GRIA1: variants seen among roughly 807,000 people sequenced by gnomAD.
GRIA1 encodes the protein glutamate receptor 1.
GRIA1 carries 31 observed loss-of-function variants against 99.2 expected under a neutral mutation model. The observed-to-expected ratio is 0.31, with a 90% CI of 0.23 to 0.42. The LOEUF (loss-of-function observed/expected upper bound fraction) is 0.42, where lower values mean the gene tolerates loss of function less well. Among genes scored for constraint, GRIA1 ranks in the 10% least tolerant of loss-of-function variants. GRIA1 has a pLI of 1.00. For missense variants in GRIA1, 782 were observed against 1,157.5 expected (o/e 0.68, Z 4.71); for synonymous variants, 438 against 432.4 (o/e 1.01, Z -0.16).
At position 153,721,431 on chromosome 5, in the gene GRIA1, A is replaced by C. The variant is rs529743686; in HGVS notation, c.1823+15364A>C. Among the ~76,000 whole-genome samples, 50 of 152,302 alleles carry C rather than the reference A, an allele frequency of 3.3e-4. 1 individual carries two copies. Among genetic ancestry groups the C allele is most frequent in the South Asian group, 2.3e-3 (11 of 4,824 alleles). ...ATACAGCCCAACTAATTTTCAGAAA[A>C]CTAATTTTCAGTGCCTGTGTAATCA... is the stretch of plus-strand genomic sequence containing the variant. On this transcript the variant is annotated intron_variant, in intron 11 of 15. Coordinates refer to ENST00000285900, the MANE Select transcript of GRIA1 (RefSeq NM_000827.4).
rs770601219 is a variant in GRIA1 at position 153,795,582 on chromosome 5, G to A, written c.2385+847G>A. The A allele has an allele frequency of 3.8e-6, 6 of 1,593,412 alleles. No homozygotes were observed. The South Asian group carries it at 4.4e-5, about 12-fold the overall frequency. ...AGGGGAATGTGGAAGCAAGGACTCC[G>A]GAAGTAAGGTCAGTCACCGGCTACA... On this transcript the variant is annotated intron_variant, in intron 14 of 15. Transcript: ENST00000285900.
intron 4 of GRIA1, among the ~76,000 whole-genome samples, chr5:153,652,903 C>T (rs1754677922): frequency 6.6e-6 from 1 of 152,160 alleles, no homozygotes; most frequent in Admixed American, 6.5e-5. Context: ...GACTATCTCA[C>T]ATTCAGTAAC....
At position 153,531,278 on chromosome 5, in the gene GRIA1, G is replaced by T. The variant is rs1758072728; in HGVS notation, c.220+37213G>T. On this transcript the variant is annotated intron_variant, in intron 2 of 15. Coordinates refer to ENST00000285900, the MANE Select transcript of GRIA1 (RefSeq NM_000827.4). ...AGAGTGCTAGGAGAGGTGGTTGTAG[G>T]GTCAGTCAGGGACAAATGATGCAGG... 2.0e-5 allele frequency among the ~76,000 whole-genome samples: 3 copies of T among 152,236 alleles called. No homozygotes were observed. In the South Asian group the frequency reaches 6.2e-4, roughly 32 times the overall value.
intron 2 of GRIA1, among the ~76,000 whole-genome samples, chr5:153,526,344 G>A (rs936570199): frequency 6.6e-6 from 1 of 152,152 alleles, no homozygotes; most frequent in African/African-American, 2.4e-5. Flanking sequence ...TCAGCAAAAT[G>A]AGGCCAATAT....
At chr5:153,804,279 G>A (rs190839534) in intron 15 of GRIA1, among the ~76,000 whole-genome samples, 67 of 152,244 alleles carry the variant, frequency 4.4e-4, no homozygotes, top group Non-Finnish European at 2.6e-4. Flanking sequence ...GAACTACAAA[G>A]GCATGGGCTT....
chr5:153,490,987 C>T lies in GRIA1; in HGVS notation c.82+17C>T. ...TCCAGATCGGTGAGTGAGGGGGCAG[C>T]CTGGGGAGGGACTTTCTGGGTCTGG... is the stretch of plus-strand genomic sequence containing the variant. On this transcript the variant is annotated intron_variant, in intron 1 of 15. Coordinates refer to ENST00000285900, the MANE Select transcript of GRIA1 (RefSeq NM_000827.4). 1.2e-6 allele frequency: 2 copies of T among 1,609,816 alleles called. No homozygotes were observed. The highest frequency in any genetic ancestry group is 2.2e-5 in the South Asian group (2 of 90,982).
At chr5:153,682,342 T>A (rs1757031722) in intron 7 of GRIA1, among the ~76,000 whole-genome samples, 1 of 152,188 alleles carries the variant, frequency 6.6e-6, no homozygotes, top group Non-Finnish European at 1.5e-5. Flanking sequence ...CAGGATCCAA[T>A]GAGGGCAGGG....
chr5:153,779,726 C>A (rs949060104), intron 13 of GRIA1, among the ~76,000 whole-genome samples: 21 of 152,082 alleles, frequency 1.4e-4, no homozygotes, highest in African/African-American at 4.8e-4. Context: ...CCACACCAAG[C>A]TAATTTTGCA....
At chr5:153,705,015 G>T (rs1010101180) in intron 10 of GRIA1, among the ~76,000 whole-genome samples, 9 of 152,156 alleles carry the variant, frequency 5.9e-5, no homozygotes, top group African/African-American at 2.2e-4. Flanking sequence ...TATCTTGGTT[G>T]CAGGAAAAAG....
intron 11 of GRIA1, among the ~76,000 whole-genome samples, chr5:153,752,229 C>T (rs1052762040): frequency 1.3e-5 from 2 of 152,064 alleles, no homozygotes; most frequent in Non-Finnish European, 2.9e-5. Flanking sequence ...AAATCTTACT[C>T]ACCTCTTCTA....
chr5:153,741,402 G>A (rs980973167), intron 11 of GRIA1, among the ~76,000 whole-genome samples: 8 of 152,052 alleles, frequency 5.3e-5, no homozygotes, highest in African/African-American at 1.9e-4. Context: ...CCACTTCTAG[G>A]GGTACTTATA....
chr5:153,522,465 G>C (rs1757235732), intron 2 of GRIA1, among the ~76,000 whole-genome samples: 1 of 152,182 alleles, frequency 6.6e-6, no homozygotes. Flanking sequence ...GTTTGTATCA[G>C]TCAAGTTAGG....
upstream of GRIA1, among the ~76,000 whole-genome samples, chr5:153,490,081 T>C (rs1753777617): frequency 6.6e-6 from 1 of 152,040 alleles, no homozygotes; most frequent in Non-Finnish European, 1.5e-5. Context: ...AAGCTTTTTT[T>C]TTTTTTTCCT....
intron 2 of GRIA1, among the ~76,000 whole-genome samples, chr5:153,546,910 A>G (rs1389688849): frequency 6.6e-6 from 1 of 152,232 alleles, no homozygotes; most frequent in Non-Finnish European, 1.5e-5. Context: ...TGTAATCTCC[A>G]TGAAAGCAAT....
chr5:153,574,485 T>C (rs1284939851), intron 2 of GRIA1: 5 of 152,138 alleles, frequency 3.3e-5, no homozygotes, highest in Non-Finnish European at 7.4e-5. Context: ...AAAGTCTTTA[T>C]AGCTTGTGTG....
intron 2 of GRIA1, among the ~76,000 whole-genome samples, chr5:153,601,997 A>G (rs1765009853): frequency 6.6e-6 from 1 of 152,210 alleles, no homozygotes; most frequent in African/African-American, 2.4e-5. Flanking sequence ...GTGTCATGTC[A>G]GCATTGCAGT....
In GRIA1 at chr5:153,690,656, T is replaced by A. The variant is rs369179705; in HGVS notation, c.1134+4327T>A. 2.2e-4 allele frequency among the ~76,000 whole-genome samples: 33 copies of A among 152,356 alleles called. No individual in the cohort carries two copies. In the South Asian group the frequency reaches 6.6e-3, roughly 31 times the overall value. ...AGCATTGCATTTGGGGGAGTCAGGC[T>A]GTGTAAGCCTGTGGAATGGATAAAT... is the stretch of plus-strand genomic sequence containing the variant. On this transcript the variant is annotated intron_variant, in intron 8 of 15. Transcript: ENST00000285900.
chr5:153,493,516 T>C (rs1320222693), intron 1 of GRIA1, among the ~76,000 whole-genome samples: 1 of 152,140 alleles, frequency 6.6e-6, no homozygotes, highest in Non-Finnish European at 1.5e-5. Flanking sequence ...TAAGGCTCTC[T>C]GGTGAGAGAT....
chr5:153,652,895 C>G lies in GRIA1; in HGVS notation c.645+2381C>G, dbSNP rs545147635. Among the ~76,000 whole-genome samples, 16 of 152,268 alleles carry G rather than the reference C, an allele frequency of 1.1e-4. No homozygotes were observed. The South Asian group carries it at 3.3e-3, about 32-fold the overall frequency. Reference sequence around the variant, plus strand: ...ATCTCACACTTAGCATCATCCTGGACTATCTCACATTCAGTAACTGGGAAC... The same window carrying G: ...ATCTCACACTTAGCATCATCCTGGAGTATCTCACATTCAGTAACTGGGAAC... On this transcript the variant is annotated intron_variant, in intron 4 of 15. Transcript: ENST00000285900.
Sources: gnomAD v4.1 joint callset for allele counts (sites outside exome capture counted in the v4.1 genomes callset) on GRCh38, gnomAD v4.1.1 for gene constraint, MANE v1.5 for transcripts, NCBI Gene and HGNC (gene_info 2026-07-23, HGNC 2026-07-21) for gene names.